GLB1: variants seen among roughly 807,000 people sequenced by gnomAD.
GLB1 encodes galactosidase beta 1.
Under a neutral mutation model 74.0 loss-of-function variants are expected in GLB1, and 56 were observed. That is an observed-to-expected ratio of 0.76 (90% CI 0.61 to 0.94). The LOEUF is 0.94. Ranked by LOEUF, GLB1 falls within the 40% of genes least tolerant of loss-of-function variation. GLB1 has a pLI of 0.00. For synonymous variants in GLB1, 323 were observed against 323.6 expected, an observed-to-expected ratio of 1.00 and a Z score of 0.02; for missense variants, 787 against 845.5, an observed-to-expected ratio of 0.93 and a Z score of 0.86.
rs1372144227 is a variant in GLB1, at chr3:33,014,235, C to A, written c.1555G>T (p.Ala519Ser). 1.9e-5 allele frequency: 30 copies of A among 1,614,176 alleles called. No homozygotes were observed. The highest frequency in any genetic ancestry group is 2.4e-5 in the Non-Finnish European group (28 of 1,180,036). The change falls in exon 15 of 16, where the codon GCA becomes TCA. Residue 519 changes from alanine (A) to serine (S), a missense_variant. Ala to Ser is a moderately conservative substitution (Grantham distance 99). Transcript: ENST00000307363. ...CAGCCCCCCAGGTGGCTGCACACTGCATCCTCAGTGTCCAGTGGAAAGATC... is the reference window on the plus strand; with the variant it reads ...CAGCCCCCCAGGTGGCTGCACACTGAATCCTCAGTGTCCAGTGGAAAGATC... ...WTIFPLDTED[A>S]VCSHLGGWGH...
chr3:32,986,974 C>A, the GLB1 span, among the ~76,000 whole-genome samples: 1 of 152,294 alleles, frequency 6.6e-6, no homozygotes, highest in South Asian at 2.1e-4. Context: ...GTTTAGAGAC[C>A]GACAGCAGAT....
chr3:32,993,753 C>T (rs1336996048), downstream of GLB1, among the ~76,000 whole-genome samples: 1 of 151,918 alleles, frequency 6.6e-6, no homozygotes, highest in Non-Finnish European at 1.5e-5. Context: ...CCAGGCTGGT[C>T]TCGAACTCCT....
the GLB1 span, among the ~76,000 whole-genome samples, chr3:32,972,014 T>C: frequency 2.6e-5 from 4 of 152,128 alleles, no homozygotes; most frequent in Non-Finnish European, 4.4e-5. Context: ...AGAAGAAGCA[T>C]AATCACAAAA....
intron 1 of GLB1, 179 bp downstream of exon 1, chr3:33,096,832 G>A: frequency 2.2e-6 from 3 of 1,344,452 alleles, no homozygotes; most frequent in Non-Finnish European, 2.9e-6. Context: ...CGCCCGGCCC[G>A]CCCCCGACGG....
At chr3:33,091,798 A>G (rs1396781889) in intron 1 of GLB1, 3 of 985,400 alleles carry the variant, frequency 3.0e-6, no homozygotes, top group South Asian at 4.7e-5. Flanking sequence ...TCACAAGCCT[A>G]AATCACCCAG....
At chr3:33,069,034 G>T in intron 2 of GLB1, 64 bp from the exon 3 acceptor site, 1 of 1,613,532 alleles carries the variant, frequency 6.2e-7, no homozygotes, top group Admixed American at 1.7e-5. Flanking sequence ...GAAGCGTGGG[G>T]AAAGGGCCTC....
At chr3:33,078,609 G>T (rs547682723) in intron 1 of GLB1, among the ~76,000 whole-genome samples, 2 of 152,144 alleles carry the variant, frequency 1.3e-5, no homozygotes, top group South Asian at 4.1e-4. Context: ...TGATTCAGTT[G>T]TTCCAACAAA....
rs200749396 is a variant in GLB1, at chr3:33,087,611, A to G, written c.75+9400T>C. ...CACACACACACACACACACACACAC[A>G]CACACACACACACACACACTCAAAG... On this transcript the variant is annotated intron_variant, in intron 1 of 15. Coordinates refer to ENST00000307363, the MANE Select transcript of GLB1 (RefSeq NM_000404.4). 8.3e-3 allele frequency among the ~76,000 whole-genome samples: 1,247 copies of G among 150,582 alleles called. 14 individuals carry two copies. The highest frequency in any genetic ancestry group is 0.025 in the African/African-American group (1,030 of 40,428).
At chr3:33,054,266 G>A (rs1209195159) in intron 6 of GLB1, among the ~76,000 whole-genome samples, 1 of 152,102 alleles carries the variant, frequency 6.6e-6, no homozygotes, top group Non-Finnish European at 1.5e-5. Context: ...AGCCCACACT[G>A]ACTAAGACAG....
chr3:33,091,013 T>C, intron 1 of GLB1: 1 of 985,120 alleles, frequency 1.0e-6, no homozygotes, highest in Non-Finnish European at 1.2e-6. Flanking sequence ...ACCAGTGAAA[T>C]AACACGTAAC....
chr3:33,047,954 GA>G (rs111834697), intron 9 of GLB1, among the ~76,000 whole-genome samples: 8,052 of 145,800 alleles, frequency 0.055, 315 homozygotes, highest in African/African-American at 0.11. Flanking sequence ...GAGACACAAA[GA>G]AAAAAAAAAA....
chr3:33,053,565 G>A lies in GLB1; in HGVS notation c.734-16C>T, dbSNP rs1319836773. ...ATGTTGCTGCCTGAAAATTGTAAGA[G>A]GGAGAAGGTAGGTCAGTCGTGGAAA... On this transcript the variant is annotated splice_polypyrimidine_tract_variant and intron_variant, in intron 6 of 15. Transcript: ENST00000307363. 7 of 1,614,154 alleles carry A rather than the reference G, an allele frequency of 4.3e-6. No individual in the cohort carries two copies. In the South Asian group the frequency reaches 5.5e-5, roughly 13 times the overall value.
intron 10 of GLB1, among the ~76,000 whole-genome samples, chr3:33,042,352 C>T (rs918601886): frequency 6.6e-5 from 10 of 150,624 alleles, no homozygotes; most frequent in Non-Finnish European, 1.0e-4. Context: ...ATCTATATCC[C>T]TGACCCCTCA....
At chr3:33,094,468 A>G (rs1700917289) in intron 1 of GLB1, among the ~76,000 whole-genome samples, 1 of 152,266 alleles carries the variant, frequency 6.6e-6, no homozygotes, top group African/African-American at 2.4e-5. Context: ...AACTCACAGC[A>G]TTGTGACATG....
At chr3:33,045,733 G>C in intron 10 of GLB1, 2 of 1,150,230 alleles carry the variant, frequency 1.7e-6, no homozygotes, top group Non-Finnish European at 2.2e-6. Context: ...AAGAGGATCT[G>C]TGCATTCTCT....
At chr3:32,967,110 A>G in the GLB1 span, among the ~76,000 whole-genome samples, 1 of 152,212 alleles carries the variant, frequency 6.6e-6, no homozygotes, top group African/African-American at 2.4e-5. Flanking sequence ...TTCATATTGT[A>G]TTGGAAGTTC....
chr3:33,032,049 C>T (rs1295926323), intron 10 of GLB1, among the ~76,000 whole-genome samples: 1 of 152,070 alleles, frequency 6.6e-6, no homozygotes, highest in African/African-American at 2.4e-5. Context: ...CCACCCACCT[C>T]GGCCTCCCAA....
intron 4 of GLB1, among the ~76,000 whole-genome samples, chr3:33,066,504 A>T (rs80225746): frequency 0.035 from 5,392 of 152,244 alleles, 128 homozygotes; most frequent in African/African-American, 0.07. Flanking sequence ...CTCCACCTTG[A>T]ACTTCTTGGC....
chr3:33,046,327 A>T, intron 9 of GLB1, 95 bp from the exon 10 acceptor site: 1 of 1,446,444 alleles, frequency 6.9e-7, no homozygotes, highest in Non-Finnish European at 9.6e-7. Flanking sequence ...AGAGAGAGAA[A>T]ACTAGAAGAC....
Sources: allele counts gnomAD v4.1 joint callset (sites outside exome capture counted in the v4.1 genomes callset), GRCh38; gene constraint gnomAD v4.1.1; transcripts MANE v1.5; gene names NCBI Gene and HGNC (gene_info 2026-07-23, HGNC 2026-07-21).